Variants in KCND2 observed in about 807,000 individuals in gnomAD.
The protein encoded by KCND2 is A-type voltage-gated potassium channel KCND2.
In KCND2, 16 loss-of-function variants were observed where a neutral mutation model predicts 54.4. That is an observed-to-expected ratio of 0.29 (90% CI 0.20 to 0.45). The LOEUF (loss-of-function observed/expected upper bound fraction) is 0.45, where lower values mean the gene tolerates loss of function less well. Ranked by LOEUF, KCND2 falls within the 20% of genes least tolerant of loss-of-function variation. The probability of loss-of-function intolerance (pLI) is 1.00; values close to 1 mark genes in which losing one functional copy is unlikely to be tolerated. For missense variants in KCND2, 486 were observed against 824.2 expected (o/e 0.59, Z 5.02); for synonymous variants, 317 against 310.7 (o/e 1.02, Z -0.21).
At chr7:120,334,621 T>C (rs563134806) in intron 1 of KCND2, among the ~76,000 whole-genome samples, 2 of 152,306 alleles carry the variant, frequency 1.3e-5, no homozygotes, top group South Asian at 4.1e-4. Context: ...TGGGTGTTTG[T>C]TCTAACAGTC....
intron 1 of KCND2, among the ~76,000 whole-genome samples, chr7:120,281,795 G>A (rs1388599652): frequency 6.6e-6 from 1 of 152,158 alleles, no homozygotes; most frequent in Non-Finnish European, 1.5e-5. Flanking sequence ...TGTACGCCAT[G>A]GAGAGCTCCT....
chr7:120,443,736 CTTCT>C (rs1163426568), intron 1 of KCND2, among the ~76,000 whole-genome samples: 10 of 151,880 alleles, frequency 6.6e-5, no homozygotes, highest in African/African-American at 1.9e-4. Flanking sequence ...TCACTTCTCT[CTTCT>C]TTCTTTAGTA....
intron 1 of KCND2, among the ~76,000 whole-genome samples, chr7:120,494,071 G>A (rs1258007886): frequency 1.3e-5 from 2 of 152,070 alleles, no homozygotes; most frequent in South Asian, 2.1e-4. Context: ...AAGATAGGAC[G>A]ACCTAAACAA....
intron 1 of KCND2, among the ~76,000 whole-genome samples, chr7:120,660,225 G>A (rs546312470): frequency 4.6e-5 from 7 of 152,242 alleles, no homozygotes; most frequent in South Asian, 2.1e-4. Context: ...GACTCCTATC[G>A]TCAGTTCTGA....
At chr7:120,503,287 G>T (rs1439361943) in intron 1 of KCND2, among the ~76,000 whole-genome samples, 1 of 151,908 alleles carries the variant, frequency 6.6e-6, no homozygotes, top group South Asian at 2.1e-4. Context: ...TTAAAATGTG[G>T]CATTAAATGC....
At chr7:120,372,540 A>G (rs1800779445) in intron 1 of KCND2, among the ~76,000 whole-genome samples, 1 of 151,932 alleles carries the variant, frequency 6.6e-6, no homozygotes. Flanking sequence ...TTTTAAAGAC[A>G]AAAACATTCT....
At chr7:120,284,620 T>C (rs1418204753) in intron 1 of KCND2, among the ~76,000 whole-genome samples, 2 of 152,160 alleles carry the variant, frequency 1.3e-5, no homozygotes, top group Non-Finnish European at 2.9e-5. Flanking sequence ...TCATGGAATT[T>C]TGACTTGCTA....
At chr7:120,657,126 G>A (rs535744277) in intron 1 of KCND2, among the ~76,000 whole-genome samples, 11 of 152,226 alleles carry the variant, frequency 7.2e-5, no homozygotes, top group Admixed American at 6.5e-5. Context: ...AACAGCTATA[G>A]CCGTGTGTCA....
intron 1 of KCND2, among the ~76,000 whole-genome samples, chr7:120,718,299 G>C (rs1792627557): frequency 1.3e-5 from 2 of 152,122 alleles, no homozygotes; most frequent in Non-Finnish European, 2.9e-5. Flanking sequence ...CACAATGATT[G>C]TTCCTTCAAA....
intron 1 of KCND2, among the ~76,000 whole-genome samples, chr7:120,398,926 G>T (rs927282923): frequency 6.6e-6 from 1 of 151,984 alleles, no homozygotes; most frequent in African/African-American, 2.4e-5. Context: ...AAAATGAAGA[G>T]AAGCTGATAA....
chr7:120,529,896 A>G (rs930766011), intron 1 of KCND2, among the ~76,000 whole-genome samples: 2 of 152,116 alleles, frequency 1.3e-5, no homozygotes, highest in African/African-American at 4.8e-5. Flanking sequence ...ACACTGGGCA[A>G]CAGGATGAAA....
At chr7:120,598,986 T>G (rs1792782073) in intron 1 of KCND2, among the ~76,000 whole-genome samples, 1 of 152,186 alleles carries the variant, frequency 6.6e-6, no homozygotes, top group Non-Finnish European at 1.5e-5. Flanking sequence ...CGATCCATTT[T>G]GAGTTAAATT....
intron 1 of KCND2, among the ~76,000 whole-genome samples, chr7:120,657,833 G>A (rs1791821132): frequency 1.3e-5 from 2 of 151,896 alleles, no homozygotes; most frequent in South Asian, 2.1e-4. Context: ...GGACAACAGA[G>A]TGAGACTGAA....
At chr7:120,584,456 C>T (rs1792564953) in intron 1 of KCND2, among the ~76,000 whole-genome samples, 1 of 152,212 alleles carries the variant, frequency 6.6e-6, no homozygotes, top group Non-Finnish European at 1.5e-5. Flanking sequence ...AGAGGAAAAG[C>T]ATTCACGCAG....
chr7:120,619,471 A>G (rs554580662), intron 1 of KCND2, among the ~76,000 whole-genome samples: 5 of 152,354 alleles, frequency 3.3e-5, no homozygotes, highest in African/African-American at 1.2e-4. Flanking sequence ...TAAGCTTTTT[A>G]CTCTAACAGT....
intron 1 of KCND2, among the ~76,000 whole-genome samples, chr7:120,617,126 C>T (rs1793036136): frequency 6.6e-6 from 1 of 152,080 alleles, no homozygotes; most frequent in Non-Finnish European, 1.5e-5. Context: ...ATTTATATTC[C>T]AGAGTTTCTT....
intron 1 of KCND2, among the ~76,000 whole-genome samples, chr7:120,327,724 T>C (rs1799998528): frequency 6.6e-6 from 1 of 152,014 alleles, no homozygotes; most frequent in South Asian, 2.1e-4. Context: ...ATAGTGCATA[T>C]TGTCTAATCA....
chr7:120,358,789 C>T (rs938462823), intron 1 of KCND2, among the ~76,000 whole-genome samples: 2 of 152,186 alleles, frequency 1.3e-5, no homozygotes, highest in African/African-American at 4.8e-5. Context: ...GCAGGCTGTA[C>T]TCTTCTGTAA....
chr7:120,626,775 TTAGATTA>T (rs1464801673), intron 1 of KCND2, among the ~76,000 whole-genome samples: 7 of 152,170 alleles, frequency 4.6e-5, no homozygotes, highest in African/African-American at 1.4e-4. Flanking sequence ...TTTTTAAAAA[TTAGATTA>T]TAGTTTCTTC....
Sources: gnomAD v4.1 joint callset for allele counts (sites outside exome capture counted in the v4.1 genomes callset) on GRCh38, gnomAD v4.1.1 for gene constraint, MANE v1.5 for transcripts, NCBI Gene and HGNC (gene_info 2026-07-23, HGNC 2026-07-21) for gene names.